The following GRIK3 variants were observed in gnomAD, a reference collection of about 807,000 sequenced individuals.
The protein encoded by GRIK3 is glutamate ionotropic receptor kainate type subunit 3.
In GRIK3, 29 loss-of-function variants were observed where a neutral mutation model predicts 102.5. That is an observed-to-expected ratio of 0.28 (90% CI 0.21 to 0.39). The LOEUF (loss-of-function observed/expected upper bound fraction) is 0.39. Ranked by LOEUF, GRIK3 falls within the 10% of genes least tolerant of loss-of-function variation. The pLI, the probability that GRIK3 is intolerant of heterozygous loss-of-function variation, is 1.00. For missense variants in GRIK3, 908 were observed against 1,252.4 expected (o/e 0.73, Z 4.15); for synonymous variants, 511 against 504.9 (o/e 1.01, Z -0.16).
At position 37,000,264 on chromosome 1, in the gene GRIK3, T is replaced by A. The variant is rs76131168; in HGVS notation, c.115+33730A>T. 1.9e-3 allele frequency among the ~76,000 whole-genome samples: 294 copies of A among 152,368 alleles called. 1 individual carries two copies. Among genetic ancestry groups the A allele is most frequent in the African/African-American group, 6.6e-3 (276 of 41,588 alleles). On this transcript the variant is annotated intron_variant, in intron 1 of 15. Transcript: ENST00000373091. Reference sequence around the variant, plus strand: ...GTTGACAAGACAGGTGTTATTTTTATTACCTTCATCACATACATGAGTGAA... The same window carrying A: ...GTTGACAAGACAGGTGTTATTTTTAATACCTTCATCACATACATGAGTGAA...
At chr1:36,853,828 C>T (rs1183359416) in intron 7 of GRIK3, 106 bp from the exon 8 acceptor site, 1 of 691,100 alleles carries the variant, frequency 1.4e-6, no homozygotes, top group East Asian at 2.6e-5. Flanking sequence ...TGATACTGTT[C>T]CCCCAAGACC....
At chr1:36,855,304 C>G (rs188266652) in intron 7 of GRIK3, among the ~76,000 whole-genome samples, 1 of 152,208 alleles carries the variant, frequency 6.6e-6, no homozygotes, top group Non-Finnish European at 1.5e-5. Context: ...GGCTCCACAG[C>G]CTCTCCCTGC....
chr1:36,820,634 G>A (rs1642685265), intron 11 of GRIK3, among the ~76,000 whole-genome samples: 1 of 151,992 alleles, frequency 6.6e-6, no homozygotes, highest in Non-Finnish European at 1.5e-5. Context: ...TGAATTTTGG[G>A]TATAATAAAA....
chr1:36,821,344 T>C (rs2124193511), intron 11 of GRIK3, among the ~76,000 whole-genome samples: 1 of 152,244 alleles, frequency 6.6e-6, no homozygotes, highest in Middle Eastern at 3.4e-3. Context: ...TTAGAGGCTA[T>C]TGTGAGAAGG....
At chr1:37,031,395 A>G (rs925246142) in intron 1 of GRIK3, among the ~76,000 whole-genome samples, 1 of 152,202 alleles carries the variant, frequency 6.6e-6, no homozygotes, top group Non-Finnish European at 1.5e-5. Flanking sequence ...CAATTCATCT[A>G]TTCAAGACGG....
chr1:36,895,840 T>C (rs1186685147), intron 1 of GRIK3, among the ~76,000 whole-genome samples: 1 of 150,836 alleles, frequency 6.6e-6, no homozygotes, highest in Admixed American at 6.6e-5. Context: ...TTTCAAACAA[T>C]AGAAAATCAA....
At chr1:36,904,472 A>G (rs1641264688) in intron 1 of GRIK3, among the ~76,000 whole-genome samples, 2 of 152,230 alleles carry the variant, frequency 1.3e-5, no homozygotes, top group Non-Finnish European at 2.9e-5. Context: ...TATGTGTTTA[A>G]AGGGAAATAA....
At position 36,935,569 on chromosome 1, in the gene GRIK3, C is replaced by T. The variant is rs145945909; in HGVS notation, c.116-44473G>A. Among the ~76,000 whole-genome samples, 58 of 151,704 alleles carry T rather than the reference C, an allele frequency of 3.8e-4. No homozygotes were observed. In the East Asian group the frequency reaches 0.011, roughly 29 times the overall value. On this transcript the variant is annotated intron_variant, in intron 1 of 15. Transcript: ENST00000373091. ...CCATCTCTTCTCCCCACCCTGCCCC[C>T]GCACCCAGCAAAGATGAGAATGACT...
intron 1 of GRIK3, among the ~76,000 whole-genome samples, chr1:37,010,490 T>C (rs1221185042): frequency 6.6e-6 from 1 of 152,166 alleles, no homozygotes; most frequent in Admixed American, 6.5e-5. Flanking sequence ...GTGATTTTGA[T>C]TCGTGAACCT....
At chr1:36,810,669 G>T (rs548049835) in intron 13 of GRIK3, among the ~76,000 whole-genome samples, 1 of 152,346 alleles carries the variant, frequency 6.6e-6, no homozygotes, top group East Asian at 1.9e-4. Context: ...GACCTTGGTT[G>T]TTTTCCATAC....
rs1365517347 is a variant in GRIK3, at chr1:37,034,413, G to T, written c.-305C>A. Among the ~76,000 whole-genome samples, 2 of 151,006 alleles carry T rather than the reference G, an allele frequency of 1.3e-5. No individual in the cohort carries two copies. Among genetic ancestry groups the T allele is most frequent in the Non-Finnish European group, 3.0e-5 (2 of 67,484 alleles). On this transcript the variant is annotated 5_prime_UTR_variant, in exon 1 of 16. Coordinates refer to ENST00000373091, the MANE Select transcript of GRIK3 (RefSeq NM_000831.4). Reference sequence around the variant, plus strand: ...ACTCGCGTCGGCTCGGCTCCCGCGCGGGCTCCCACCTGCCCCGGCTGCCGG... The same window carrying T: ...ACTCGCGTCGGCTCGGCTCCCGCGCTGGCTCCCACCTGCCCCGGCTGCCGG...
chr1:36,849,008 G>A (rs1023205797), intron 9 of GRIK3, among the ~76,000 whole-genome samples: 2 of 152,258 alleles, frequency 1.3e-5, no homozygotes, highest in East Asian at 1.9e-4. Context: ...TGGAGCCACC[G>A]TGAGATCTCC....
intron 9 of GRIK3, among the ~76,000 whole-genome samples, chr1:36,849,044 A>G (rs74064785): frequency 6.6e-6 from 1 of 152,062 alleles, no homozygotes; most frequent in Non-Finnish European, 1.5e-5. Context: ...GATCCTCTCA[A>G]TCATCCTAAC....
At chr1:36,861,860 G>C (rs774947333) in intron 5 of GRIK3, among the ~76,000 whole-genome samples, 2 of 152,102 alleles carry the variant, frequency 1.3e-5, no homozygotes, top group Non-Finnish European at 2.9e-5. Flanking sequence ...GGGTGACAGA[G>C]GAGGGAGGGG....
chr1:36,906,602 A>T (rs7517540), intron 1 of GRIK3, among the ~76,000 whole-genome samples: 211 of 151,304 alleles, frequency 1.4e-3, no homozygotes, highest in African/African-American at 4.9e-3. Context: ...TCTGCAAAGG[A>T]TCGGAGGGTA....
intron 2 of GRIK3, among the ~76,000 whole-genome samples, chr1:36,883,235 TC>T (rs1641003042): frequency 6.6e-6 from 1 of 152,214 alleles, no homozygotes; most frequent in African/African-American, 2.4e-5. Context: ...ACGAAACACG[TC>T]CTTTTCTCTT....
chr1:36,936,107 C>T (rs1009886039), intron 1 of GRIK3, among the ~76,000 whole-genome samples: 4 of 152,186 alleles, frequency 2.6e-5, no homozygotes, highest in African/African-American at 7.2e-5. Flanking sequence ...GAACTTCCCA[C>T]CCCTTCTTTG....
rs1195342855 is a variant in GRIK3 at position 36,850,522 on chromosome 1, G to A, written c.1213-98C>T. 1.4e-6 allele frequency: 1 copy of A among 725,778 alleles called. No homozygotes were observed. Among genetic ancestry groups the A allele is most frequent in the Non-Finnish European group, 2.5e-6 (1 of 401,628 alleles). 45.0% of individuals were successfully genotyped at this position (725,778 alleles called of 1,614,324 possible). A position where few individuals can be genotyped will look rare whatever the true frequency, so the allele number is the denominator to read the frequency against. On this transcript the variant is annotated intron_variant, in intron 8 of 15. Transcript: ENST00000373091. This position sits in a 1 kb window ranked among gnomAD's most constrained non-coding sequence, Gnocchi z 4.0. The stretch of plus-strand genomic sequence containing the variant: ...TTCATCTCATTCCCATTCATCATGA[G>A]CCTCATTGTCATGATCATCATCATC...
At chr1:36,922,964 G>A (rs971377630) in intron 1 of GRIK3, among the ~76,000 whole-genome samples, 16 of 152,180 alleles carry the variant, frequency 1.1e-4, no homozygotes, top group Admixed American at 8.5e-4. Flanking sequence ...CAGCCTGGGA[G>A]CCCACACCAG....
Sources: allele counts gnomAD v4.1 joint callset (sites outside exome capture counted in the v4.1 genomes callset), GRCh38; gene constraint gnomAD v4.1.1; non-coding constraint Gnocchi (gnomAD v3.1); transcripts MANE v1.5; gene names NCBI Gene and HGNC (gene_info 2026-07-23, HGNC 2026-07-21).